CCBE1: variants seen among roughly 807,000 people sequenced by gnomAD.
CCBE1 encodes collagen and calcium-binding EGF domain-containing protein 1.
CCBE1 carries 37 observed loss-of-function variants against 50.0 expected under a neutral mutation model. That is an observed-to-expected ratio of 0.74 (90% CI 0.57 to 0.97). The LOEUF is 0.97. CCBE1 is among the 50% of genes least tolerant of loss of function. The pLI, the probability that CCBE1 is intolerant of heterozygous loss-of-function variation, is 0.00. For synonymous variants in CCBE1, 234 were observed against 203.7 expected, an observed-to-expected ratio of 1.15 and a Z score of -1.27; for missense variants, 538 against 523.8, an observed-to-expected ratio of 1.03 and a Z score of -0.26.
chr18:59,611,850 G>A (rs1014922744), intron 2 of CCBE1, among the ~76,000 whole-genome samples: 24 of 152,150 alleles, frequency 1.6e-4, no homozygotes, highest in African/African-American at 5.6e-4. Context: ...TGAGACTTAC[G>A]CATCAAGTTC....
At chr18:59,632,150 C>A (rs961704675) in intron 2 of CCBE1, among the ~76,000 whole-genome samples, 3 of 152,166 alleles carry the variant, frequency 2.0e-5, no homozygotes, top group African/African-American at 7.2e-5. Context: ...TTGGAGTCCT[C>A]CCAAGCTATT....
At chr18:59,516,659 C>T (rs1418793419) in intron 2 of CCBE1, among the ~76,000 whole-genome samples, 4 of 152,192 alleles carry the variant, frequency 2.6e-5, no homozygotes, top group East Asian at 1.9e-4. Flanking sequence ...TGGCTCATTA[C>T]CACGGACCTT....
intron 2 of CCBE1, among the ~76,000 whole-genome samples, chr18:59,575,655 G>A (rs2052984284): frequency 6.6e-6 from 1 of 152,206 alleles, no homozygotes; most frequent in African/African-American, 2.4e-5. Context: ...TAAGTTCGCT[G>A]CAAAGTTCTC....
chr18:59,456,625 A>C (rs1425428853), intron 5 of CCBE1, among the ~76,000 whole-genome samples: 1 of 152,198 alleles, frequency 6.6e-6, no homozygotes, highest in Non-Finnish European at 1.5e-5. Flanking sequence ...ACCAGAAACA[A>C]ATTTCTGTTT....
intron 2 of CCBE1, among the ~76,000 whole-genome samples, chr18:59,522,993 C>CAACAAAAAAAAAAAAAAAAAAAA (rs1914669978): frequency 1.1e-5 from 1 of 89,222 alleles, no homozygotes; most frequent in Non-Finnish European, 2.2e-5. Context: ...GACTCTGTTT[C>CAACAAAAAAAAAAAAAAAAAAAA]AAAAAAAAAA....
At chr18:59,664,332 AAG>A (rs2054323651) in intron 2 of CCBE1, among the ~76,000 whole-genome samples, 1 of 152,148 alleles carries the variant, frequency 6.6e-6, no homozygotes, top group Non-Finnish European at 1.5e-5. Context: ...AAGGCCTCCA[AAG>A]AGAGAAGCGC....
intron 2 of CCBE1, among the ~76,000 whole-genome samples, chr18:59,621,925 G>C (rs59124896): frequency 0.067 from 10,175 of 152,250 alleles, 1,002 homozygotes; most frequent in African/African-American, 0.22. Context: ...CTTGGTGACA[G>C]AGGCCAGCCA....
chr18:59,539,049 A>C (rs1334924806), intron 2 of CCBE1, among the ~76,000 whole-genome samples: 2 of 152,066 alleles, frequency 1.3e-5, no homozygotes, highest in African/African-American at 4.8e-5. Context: ...AGTAGCATGC[A>C]CCTACAGTCC....
intron 2 of CCBE1, among the ~76,000 whole-genome samples, chr18:59,680,567 G>A (rs1236587587): frequency 1.3e-5 from 2 of 151,862 alleles, no homozygotes; most frequent in African/African-American, 2.4e-5. Context: ...GCGTGGTGGC[G>A]GGCGCCTGTA....
Position 59,432,934 on chromosome 18 carries a change from A to G in CCBE1, c.*2974T>C, listed in dbSNP as rs1909992995. 1 of 141,096 alleles carries G rather than the reference A, an allele frequency of 7.1e-6. No individual in the cohort carries two copies. Among genetic ancestry groups the G allele is most frequent in the African/African-American group, 2.6e-5 (1 of 38,016 alleles). The allele number at this position is 141,096 out of a possible 1,614,324, so 8.7% of individuals were successfully genotyped here. A position where few individuals can be genotyped will look rare whatever the true frequency, so the allele number is the denominator to read the frequency against. ...AGATGGACCTAGCCATCTCTCATAC[A>G]GCTTGTGCATAGTTTTGTGTGTTTT... On this transcript the variant is annotated 3_prime_UTR_variant, in exon 11 of 11. Transcript: ENST00000439986.
At chr18:59,669,783 G>A (rs542875443) in intron 2 of CCBE1, among the ~76,000 whole-genome samples, 57 of 152,332 alleles carry the variant, frequency 3.7e-4, no homozygotes, top group Admixed American at 2.2e-3. Flanking sequence ...TGAACATGGG[G>A]TCAGGCCCAC....
In CCBE1 at chr18:59,466,801, CCTTCCCGGCA is replaced by C; in HGVS notation, c.481_490del (p.Cys161AlafsTer30). On this transcript the variant is annotated frameshift_variant, in exon 5 of 11. Coordinates refer to ENST00000439986, the MANE Select transcript of CCBE1 (RefSeq NM_133459.4). LOFTEE classifies it high-confidence loss of function. ...CTTCCCATCATCTTCCCGGATGTAG[CCTTCCCGGCA>C]CTCGCAGCGGTAGCTGCCCAAGGTA... is the stretch of plus-strand genomic sequence containing the variant. 1 of 1,613,806 alleles carries C rather than the reference CCTTCCCGGCA, an allele frequency of 6.2e-7. No individual in the cohort carries two copies. The highest frequency in any genetic ancestry group is 8.5e-7 in the Non-Finnish European group (1 of 1,179,958).
At chr18:59,469,694 G>T in intron 3 of CCBE1, 87 bp from the exon 4 acceptor site, 2 of 1,574,826 alleles carry the variant, frequency 1.3e-6, no homozygotes, top group Admixed American at 3.3e-5. Flanking sequence ...TCTGGGCTGG[G>T]CTCTGCTCAA....
intron 2 of CCBE1, among the ~76,000 whole-genome samples, chr18:59,609,532 G>A (rs977208703): frequency 6.6e-6 from 1 of 152,142 alleles, no homozygotes; most frequent in Admixed American, 6.5e-5. Flanking sequence ...CTCCACATCT[G>A]GTCAGCCAAG....
In CCBE1 at chr18:59,449,658, G is replaced by A. The variant is rs189431298; in HGVS notation, c.655-1555C>T. Among the ~76,000 whole-genome samples, 119 of 151,838 alleles carry A rather than the reference G, an allele frequency of 7.8e-4. 1 individual carries two copies. In the East Asian group the frequency reaches 9.1e-3, roughly 12 times the overall value. Reference sequence around the variant, plus strand: ...AAAAAAAAAGAAATGCTGTCTGGGGGCTGCTCCTGACTTTGTTCCTAAGTA... The same window carrying A: ...AAAAAAAAAGAAATGCTGTCTGGGGACTGCTCCTGACTTTGTTCCTAAGTA... On this transcript the variant is annotated intron_variant, in intron 6 of 10. Coordinates refer to ENST00000439986, the MANE Select transcript of CCBE1 (RefSeq NM_133459.4).
intron 2 of CCBE1, among the ~76,000 whole-genome samples, chr18:59,492,471 A>G (rs1430740840): frequency 2.0e-5 from 3 of 152,158 alleles, no homozygotes; most frequent in African/African-American, 7.2e-5. Flanking sequence ...GATGTGAGTG[A>G]CTGATGGTGG....
chr18:59,525,224 C>A (rs188543690), intron 2 of CCBE1, among the ~76,000 whole-genome samples: 1 of 152,302 alleles, frequency 6.6e-6, no homozygotes, highest in African/African-American at 2.4e-5. Flanking sequence ...CTTTCCACAT[C>A]CTTGCCAGCA....
At chr18:59,496,344 T>C (rs983596159) in intron 2 of CCBE1, among the ~76,000 whole-genome samples, 6 of 152,212 alleles carry the variant, frequency 3.9e-5, no homozygotes, top group African/African-American at 1.2e-4. Flanking sequence ...CAACATGTTT[T>C]TCCTGAAGTT....
At chr18:59,519,037 G>T (rs941111974) in intron 2 of CCBE1, among the ~76,000 whole-genome samples, 1 of 152,136 alleles carries the variant, frequency 6.6e-6, no homozygotes, top group Non-Finnish European at 1.5e-5. Flanking sequence ...TCCCCCAAGT[G>T]CTCCTTGGGA....
Sources: gnomAD v4.1 joint callset for allele counts (sites outside exome capture counted in the v4.1 genomes callset) on GRCh38, gnomAD v4.1.1 for gene constraint, MANE v1.5 for transcripts, NCBI Gene and HGNC (gene_info 2026-07-23, HGNC 2026-07-21) for gene names.